SLC5A10: variants seen among roughly 807,000 people sequenced by gnomAD.
SLC5A10 encodes solute carrier family 5 member 10, also known as sodium/mannose cotransporter SLC5A10.
Under a neutral mutation model 68.9 loss-of-function variants are expected in SLC5A10, and 55 were observed. The ratio of observed to expected loss-of-function variants is 0.80; its 90% CI spans 0.64 to 1.00. SLC5A10 has a LOEUF of 1.00. Ranked by LOEUF, SLC5A10 falls within the 50% of genes least tolerant of loss-of-function variation. The pLI is 0.00. For missense variants in SLC5A10, 732 were observed against 819.3 expected, an observed-to-expected ratio of 0.89 and a Z score of 1.30; for synonymous variants, 344 against 344.8, an observed-to-expected ratio of 1.00 and a Z score of 0.02.
At chr17:18,988,281 C>T (rs1302241140) in intron 9 of SLC5A10, 3 of 1,613,752 alleles carry the variant, frequency 1.9e-6, no homozygotes, top group Non-Finnish European at 2.5e-6. Context: ...GGCCCGCTCA[C>T]ACATGTGCAG....
intron 10 of SLC5A10, among the ~76,000 whole-genome samples, chr17:19,013,949 G>C (rs536173225): frequency 2.6e-5 from 4 of 152,164 alleles, no homozygotes. Context: ...ACAAGGGAGT[G>C]GGTGGAGAAA....
chr17:18,959,699 G>A (rs758904488), intron 4 of SLC5A10, 36 bp downstream of exon 4: 1 of 1,609,270 alleles, frequency 6.2e-7, no homozygotes, highest in East Asian at 2.2e-5. Context: ...CTGGGGGGCT[G>A]GGCCTTGGTC....
Position 19,000,694 on chromosome 17 carries a change from C to T in SLC5A10, c.983-12716C>T, listed in dbSNP as rs536020980. On this transcript the variant is annotated intron_variant, in intron 9 of 14. Transcript: ENST00000395645. This position sits in a 1 kb window ranked among gnomAD's most constrained non-coding sequence, Gnocchi z 5.2. ...GGGAAGGGGCCAGTGTGCGGCAAGG[C>T]GGCCCAGGCAGAGGGATCCCCATCC... Among the ~76,000 whole-genome samples, 13 of 152,260 alleles carry T rather than the reference C, an allele frequency of 8.5e-5. No homozygotes were observed. The South Asian group carries it at 2.7e-3, about 32-fold the overall frequency.
At chr17:19,020,058 A>G (rs2044232011) in intron 13 of SLC5A10, 97 bp from the exon 14 acceptor site, 1 of 1,452,634 alleles carries the variant, frequency 6.9e-7, no homozygotes, top group Non-Finnish European at 9.5e-7. Context: ...TTTTGAACTC[A>G]GCTGCCATCT....
At chr17:18,988,236 A>G (rs2043318187) in intron 9 of SLC5A10, 1 of 1,604,910 alleles carries the variant, frequency 6.2e-7, no homozygotes, top group Non-Finnish European at 8.5e-7. Flanking sequence ...GCAAGTGAGG[A>G]GCCTGCTCAC....
intron 9 of SLC5A10, among the ~76,000 whole-genome samples, chr17:18,991,137 G>A (rs1045610929): frequency 2.6e-5 from 4 of 152,214 alleles, no homozygotes; most frequent in Admixed American, 1.3e-4. Flanking sequence ...TCGCCACCTT[G>A]CCTAATTCTG....
chr17:18,968,979 CGA>C lies in SLC5A10; in HGVS notation c.454-71_454-70del. The C allele has an allele frequency of 2.0e-6, 3 of 1,481,630 alleles. No individual in the cohort carries two copies. Among genetic ancestry groups the C allele is most frequent in the Non-Finnish European group, 2.7e-6 (3 of 1,096,604 alleles). 91.8% of individuals were successfully genotyped at this position (1,481,630 alleles called of 1,614,324 possible). On this transcript the variant is annotated intron_variant, in intron 5 of 14. Coordinates refer to ENST00000395645, the MANE Select transcript of SLC5A10 (RefSeq NM_001042450.4). The surrounding 1 kb of genome is among the most constrained non-coding windows in gnomAD (Gnocchi z 4.1). ...ACCGAGGCCCAGAGAGGGCCTTGCC[CGA>C]GGTCACCCAGGGAGTGGCTTGCTGG... is the stretch of plus-strand genomic sequence containing the variant.
At chr17:18,978,288 G>C in intron 9 of SLC5A10, 1 of 1,610,738 alleles carries the variant, frequency 6.2e-7, no homozygotes, top group Non-Finnish European at 8.5e-7. Flanking sequence ...TTCCACAGCT[G>C]GTGCTGGGCG....
rs1389179921 is a variant in SLC5A10, at chr17:19,020,823, C to T, written c.*392C>T. The T allele has an allele frequency of 4.9e-6, 1 of 204,318 alleles. No individual in the cohort carries two copies. Among genetic ancestry groups the T allele is most frequent in the African/African-American group, 2.3e-5 (1 of 43,470 alleles). 12.7% of individuals were successfully genotyped at this position (204,318 alleles called of 1,614,324 possible). A position where few individuals can be genotyped will look rare whatever the true frequency, so the allele number is the denominator to read the frequency against. ...AGAGCCCCACATGCCCAGAGCAAGGCCCCCCATTAAGGGACTGCAGCCACC... is the reference window on the plus strand; with the variant it reads ...AGAGCCCCACATGCCCAGAGCAAGGTCCCCCATTAAGGGACTGCAGCCACC... On this transcript the variant is annotated 3_prime_UTR_variant, in exon 15 of 15. Coordinates refer to ENST00000395645, the MANE Select transcript of SLC5A10 (RefSeq NM_001042450.4).
intron 8 of SLC5A10, among the ~76,000 whole-genome samples, chr17:18,973,410 G>A (rs558943068): frequency 6.6e-6 from 1 of 152,346 alleles, no homozygotes; most frequent in African/African-American, 2.4e-5. Flanking sequence ...ACCCCAGGTG[G>A]TTCAGGACAC....
chr17:18,952,034 A>G (rs1597804347), upstream of SLC5A10: 1 of 1,098,576 alleles, frequency 9.1e-7, no homozygotes, highest in African/African-American at 1.6e-5. Flanking sequence ...TGGGGTGAGG[A>G]AGCTGAACTG....
upstream of SLC5A10, chr17:18,952,063 C>A: frequency 7.3e-7 from 1 of 1,368,824 alleles, no homozygotes; most frequent in Non-Finnish European, 9.7e-7. Flanking sequence ...GGCAGCTGCC[C>A]TGCATGCAGC....
intron 1 of SLC5A10, among the ~76,000 whole-genome samples, chr17:18,954,455 T>C (rs2151989167): frequency 6.6e-6 from 1 of 152,336 alleles, no homozygotes; most frequent in East Asian, 1.9e-4. Context: ...GTAGGAGTTC[T>C]GCCCTGTCCC....
chr17:18,970,020 C>T (rs909008322), intron 7 of SLC5A10: 1 of 152,326 alleles, frequency 6.6e-6, no homozygotes, highest in Non-Finnish European at 1.5e-5. Context: ...AAGACTCTTC[C>T]AGACTCAGAC....
intron 9 of SLC5A10, 152 bp downstream of exon 9, chr17:18,977,141 T>A: frequency 1.9e-6 from 2 of 1,030,666 alleles, no homozygotes; most frequent in Non-Finnish European, 2.8e-6. Flanking sequence ...AGGGCCACAA[T>A]CAAAGGGATT....
intron 9 of SLC5A10, chr17:18,977,786 A>T (rs1435842930): frequency 6.2e-7 from 1 of 1,602,402 alleles, no homozygotes; most frequent in South Asian, 1.1e-5. Flanking sequence ...CCGGAGAGGG[A>T]CTGAGTGCTC....
rs764948983 is a variant in SLC5A10, at chr17:18,976,958, GCCGGGCATGATCA to G, written c.952_964del (p.Pro318AlafsTer39). The G allele has an allele frequency of 1.2e-6, 2 of 1,613,100 alleles. No homozygotes were observed. Among genetic ancestry groups the G allele is most frequent in the Non-Finnish European group, 1.7e-6 (2 of 1,179,816 alleles). The stretch of plus-strand genomic sequence containing the variant: ...TGCTCCCCATGGGCCTGATCATCAT[GCCGGGCATGATCA>G]GCCGCGCATTGTTCCCAGGTAGGAC... On this transcript the variant is annotated frameshift_variant, in exon 9 of 15. Coordinates refer to ENST00000395645, the MANE Select transcript of SLC5A10 (RefSeq NM_001042450.4). LOFTEE classifies it high-confidence loss of function.
intron 9 of SLC5A10, among the ~76,000 whole-genome samples, chr17:18,999,076 G>C (rs533340624): frequency 8.5e-4 from 129 of 152,262 alleles, no homozygotes; most frequent in African/African-American, 3.1e-3. Context: ...TCAGGAGTTC[G>C]AGACCCACCT....
At chr17:18,952,121 T>G, upstream of SLC5A10, 1 of 1,520,564 alleles carries the variant, frequency 6.6e-7, no homozygotes. Context: ...TAATGATCAA[T>G]GAGCTCCCTG....
Sources: allele counts gnomAD v4.1 joint callset (sites outside exome capture counted in the v4.1 genomes callset), GRCh38; gene constraint gnomAD v4.1.1; non-coding constraint Gnocchi (gnomAD v3.1); transcripts MANE v1.5; gene names NCBI Gene and HGNC (gene_info 2026-07-23, HGNC 2026-07-21).